DRGX: variants seen among roughly 807,000 people sequenced by gnomAD.
DRGX encodes the protein dorsal root ganglia homeobox protein.
DRGX carries 21 observed loss-of-function variants against 28.6 expected under a neutral mutation model. The observed-to-expected ratio is 0.73, with a 90% confidence interval of 0.52 to 1.06. DRGX has a LOEUF of 1.06. Ranked by LOEUF, DRGX falls within the 50% of genes least tolerant of loss-of-function variation. The probability of loss-of-function intolerance (pLI) is 0.00; values close to 1 mark genes in which losing one functional copy is unlikely to be tolerated. For synonymous variants in DRGX, 136 were observed against 139.1 expected (o/e 0.98, Z 0.16); for missense variants, 354 against 343.9 (o/e 1.03, Z -0.23).
chr10:49,368,148 C>T (rs180871988), intron 6 of DRGX, among the ~76,000 whole-genome samples: 19 of 152,330 alleles, frequency 1.2e-4, no homozygotes, highest in Admixed American at 1.1e-3. Flanking sequence ...CATCACATTA[C>T]GGCCACCCAT....
chr10:49,375,820 C>T (rs982336215), intron 6 of DRGX, among the ~76,000 whole-genome samples: 1 of 152,174 alleles, frequency 6.6e-6, no homozygotes, highest in Middle Eastern at 3.2e-3. Context: ...TCCTGGCAGT[C>T]AGATGCCAAT....
chr10:49,365,926 G>C lies in DRGX; in HGVS notation c.*190C>G, dbSNP rs776679473. The C allele has an allele frequency of 1.8e-6, 1 of 560,218 alleles. No individual in the cohort carries two copies. Among genetic ancestry groups the C allele is most frequent in the Admixed American group, 3.9e-5 (1 of 25,846 alleles). 34.7% of individuals were successfully genotyped at this position (560,218 alleles called of 1,614,324 possible). On this transcript the variant is annotated 3_prime_UTR_variant, in exon 7 of 7. Transcript: ENST00000374139. Reference sequence around the variant, plus strand: ...CCAAAGAAGCCAGGACAACACTGCCGCACTGGTGGGACTCCAGAGGGACGC... The same window carrying C: ...CCAAAGAAGCCAGGACAACACTGCCCCACTGGTGGGACTCCAGAGGGACGC...
At chr10:49,395,544 G>A in intron 1 of DRGX, 23 bp from the exon 2 acceptor site, 2 of 1,363,050 alleles carry the variant, frequency 1.5e-6, no homozygotes, top group Admixed American at 2.0e-5. Context: ...CAGCGATAGA[G>A]CTTCAAGTCT....
chr10:49,386,124 G>A (rs1259197676), intron 6 of DRGX, among the ~76,000 whole-genome samples: 1 of 152,152 alleles, frequency 6.6e-6, no homozygotes, highest in African/African-American at 2.4e-5. Context: ...TGGGAGCAGG[G>A]ATGATTGTCC....
chr10:49,390,259 T>C (rs1428550659), intron 3 of DRGX, 25 bp from the exon 4 acceptor site: 2 of 1,583,968 alleles, frequency 1.3e-6, no homozygotes, highest in Admixed American at 1.8e-5. Flanking sequence ...AAATATGTAC[T>C]GGTGAGAGGC....
intron 4 of DRGX, among the ~76,000 whole-genome samples, chr10:49,388,556 T>C (rs1849865557): frequency 6.6e-6 from 1 of 152,262 alleles, no homozygotes; most frequent in South Asian, 2.1e-4. Context: ...TTAGGGCAGT[T>C]AAATGCAAAG....
intron 3 of DRGX, 113 bp from the exon 4 acceptor site, chr10:49,390,347 C>T (rs893479748): frequency 1.9e-5 from 17 of 873,722 alleles, no homozygotes; most frequent in Non-Finnish European, 2.4e-5. Context: ...CAGATTAAAT[C>T]GAGGAAGGAC....
chr10:49,366,498 G>T, intron 6 of DRGX, 117 bp from the exon 7 acceptor site: 2 of 1,407,174 alleles, frequency 1.4e-6, no homozygotes, highest in Non-Finnish European at 1.9e-6. Flanking sequence ...TCTGGTGCCA[G>T]ATACTAAAGG....
chr10:49,383,196 G>C (rs1849796614), intron 6 of DRGX, among the ~76,000 whole-genome samples: 1 of 152,348 alleles, frequency 6.6e-6, no homozygotes, highest in East Asian at 1.9e-4. Flanking sequence ...CCCACTGGTT[G>C]TACAACTACA....
chr10:49,380,777 A>G (rs570718988), intron 6 of DRGX, among the ~76,000 whole-genome samples: 10 of 152,324 alleles, frequency 6.6e-5, no homozygotes, highest in Admixed American at 3.3e-4. Context: ...GAGGTTTTGG[A>G]GAAGGTACTT....
intron 2 of DRGX, among the ~76,000 whole-genome samples, chr10:49,394,628 G>A (rs900041189): frequency 2.6e-5 from 4 of 152,210 alleles, no homozygotes; most frequent in Non-Finnish European, 4.4e-5. Context: ...CGGGTCCTGA[G>A]CAGGGGCATG....
chr10:49,380,531 G>A (rs1286618232), intron 6 of DRGX, among the ~76,000 whole-genome samples: 2 of 152,164 alleles, frequency 1.3e-5, no homozygotes, highest in Non-Finnish European at 2.9e-5. Flanking sequence ...CCCTGCACAG[G>A]AGTAGGGTTC....
intron 6 of DRGX, among the ~76,000 whole-genome samples, chr10:49,368,705 T>G (rs1404703310): frequency 6.6e-6 from 1 of 152,254 alleles, no homozygotes. Context: ...ACCAAGTTAT[T>G]AAGAATGGTG....
intron 6 of DRGX, among the ~76,000 whole-genome samples, chr10:49,381,210 C>T (rs916184996): frequency 3.9e-5 from 6 of 152,350 alleles, no homozygotes; most frequent in African/African-American, 1.2e-4. Context: ...CTTCCTGACT[C>T]GAGGCAGCCA....
At position 49,390,153 on chromosome 10, in the gene DRGX, G is replaced by C; in HGVS notation, c.214C>G (p.Leu72Val). 6.2e-7 allele frequency: 1 copy of C among 1,612,332 alleles called. No individual in the cohort carries two copies. Among genetic ancestry groups the C allele is most frequent in the South Asian group, 1.1e-5 (1 of 90,424 alleles). The change falls in exon 4 of 7, where the codon CTC becomes GTC. Residue 72 changes from leucine to valine, a missense_variant. By Grantham distance (32) the Leu-to-Val change is conservative (BLOSUM62 1). Coordinates refer to ENST00000374139, the MANE Select transcript of DRGX (RefSeq NM_001276451.2). ...TTTACCTGCACTCTGGCTTCTGTGA[G>C]GTTTATTTTCATGGCGAGCTCTTCT... ...TREELAMKIN[L>V]TEARVQVWFQ...
intron 6 of DRGX, among the ~76,000 whole-genome samples, chr10:49,376,535 G>A (rs1319248460): frequency 1.3e-5 from 2 of 152,158 alleles, no homozygotes; most frequent in African/African-American, 4.8e-5. Context: ...CTGCCTCAGC[G>A]ATCCAAACCC....
intron 2 of DRGX, 100 bp downstream of exon 2, chr10:49,395,307 G>T: frequency 6.9e-7 from 1 of 1,444,990 alleles, no homozygotes; most frequent in Admixed American, 2.0e-5. Flanking sequence ...TGCGCCCCCC[G>T]CAGGGCGGGG....
At chr10:49,387,520 G>A (rs562080711) in intron 4 of DRGX, among the ~76,000 whole-genome samples, 3 of 152,114 alleles carry the variant, frequency 2.0e-5, no homozygotes, top group South Asian at 4.2e-4. Flanking sequence ...AAAGTTAGAC[G>A]GGTGTGGTGG....
At chr10:49,384,907 C>A (rs61848640) in intron 6 of DRGX, among the ~76,000 whole-genome samples, 3 of 152,140 alleles carry the variant, frequency 2.0e-5, no homozygotes, top group African/African-American at 4.8e-5. Flanking sequence ...CAGAGTAGGG[C>A]GAGCGACCCT....
Sources: gnomAD v4.1 joint callset for allele counts (sites outside exome capture counted in the v4.1 genomes callset) on GRCh38, gnomAD v4.1.1 for gene constraint, MANE v1.5 for transcripts, NCBI Gene and HGNC (gene_info 2026-07-23, HGNC 2026-07-21) for gene names.